Variants in TRPC6 observed in about 807,000 individuals in gnomAD.
The protein encoded by TRPC6 is short transient receptor potential channel 6.
In TRPC6, 55 loss-of-function variants were observed where a neutral mutation model predicts 90.7. The ratio of observed to expected loss-of-function variants is 0.61; its 90% CI spans 0.49 to 0.76. The LOEUF (loss-of-function observed/expected upper bound fraction) is 0.76. Ranked by LOEUF, TRPC6 falls within the 30% of genes least tolerant of loss-of-function variation. TRPC6 has a pLI of 0.00. For missense variants in TRPC6, 989 were observed against 1,122.7 expected (o/e 0.88, Z 1.70); for synonymous variants, 393 against 393.0 (o/e 1.00, Z 0.00).
intron 5 of TRPC6, 88 bp from the exon 6 acceptor site, chr11:101,476,622 C>T (rs1488553069): frequency 2.0e-5 from 25 of 1,235,276 alleles, no homozygotes; most frequent in Non-Finnish European, 2.1e-5. Flanking sequence ...AGGTCTCAGC[C>T]TGACATTACA....
chr11:101,490,612 T>A lies in TRPC6; in HGVS notation c.1128+944A>T, dbSNP rs117857575. Among the ~76,000 whole-genome samples, 157 of 152,260 alleles carry A rather than the reference T, an allele frequency of 1.0e-3. 1 individual carries two copies. In the East Asian group the frequency reaches 0.029, roughly 28 times the overall value. On this transcript the variant is annotated intron_variant, in intron 3 of 12. Coordinates refer to ENST00000344327, the MANE Select transcript of TRPC6 (RefSeq NM_004621.6). Reference sequence around the variant, plus strand: ...CTGAGACTACAGGTGCACGCCACCATACCCAGCTAATTTTTGTAGTTTTAG... The same window carrying A: ...CTGAGACTACAGGTGCACGCCACCAAACCCAGCTAATTTTTGTAGTTTTAG...
chr11:101,535,235 A>AAGGAAGGAAGGAAGG (rs1565233289), intron 1 of TRPC6, among the ~76,000 whole-genome samples: 2 of 86,154 alleles, frequency 2.3e-5, no homozygotes, highest in African/African-American at 6.6e-5. Flanking sequence ...AGGAAGGAAG[A>AAGGAAGGAAGGAAGG]AAACACAAAG....
intron 1 of TRPC6, among the ~76,000 whole-genome samples, chr11:101,540,956 T>C (rs921847010): frequency 1.3e-5 from 2 of 152,190 alleles, no homozygotes; most frequent in African/African-American, 2.4e-5. Flanking sequence ...CTTTTTAACT[T>C]AAAAGAGTAT....
intron 8 of TRPC6, 68 bp downstream of exon 8, chr11:101,472,069 T>A: frequency 6.8e-7 from 1 of 1,466,764 alleles, no homozygotes; most frequent in Non-Finnish European, 9.5e-7. Context: ...TCATCCCCAT[T>A]GCTGAGTTAG....
chr11:101,544,698 G>A (rs1591125020), intron 1 of TRPC6, among the ~76,000 whole-genome samples: 2 of 152,148 alleles, frequency 1.3e-5, no homozygotes, highest in African/African-American at 2.4e-5. Flanking sequence ...CATGGACACA[G>A]GGAGGGGAAC....
rs1861629613 is a variant in TRPC6 at position 101,558,392 on chromosome 11, T to TACATATACACACAC, written c.170+24928_170+24941dup. The stretch of plus-strand genomic sequence containing the variant: ...ATACATGTATATATGTATACATGTA[T>TACATATACACACAC]ACATATACACACACACATATACACA... On this transcript the variant is annotated intron_variant, in intron 1 of 12. Coordinates refer to ENST00000344327, the MANE Select transcript of TRPC6 (RefSeq NM_004621.6). Among the ~76,000 whole-genome samples the TACATATACACACAC allele has an allele frequency of 2.5e-5, 2 of 79,120 alleles. 1 individual carries two copies. The highest frequency in any genetic ancestry group is 6.7e-4 in the South Asian group (2 of 2,966). The allele number at this position is 79,120 out of a possible 152,430, so 51.9% of individuals were successfully genotyped here.
intron 1 of TRPC6, among the ~76,000 whole-genome samples, chr11:101,580,402 G>C (rs141719333): frequency 1.3e-5 from 2 of 152,218 alleles, no homozygotes; most frequent in East Asian, 3.9e-4. Context: ...GCTATTGAAA[G>C]TTGAATAAAG....
chr11:101,567,692 C>A (rs1861867783), intron 1 of TRPC6, among the ~76,000 whole-genome samples: 1 of 152,200 alleles, frequency 6.6e-6, no homozygotes, highest in African/African-American at 2.4e-5. Context: ...CTGGGCTATT[C>A]TGCAGCCTCC....
At chr11:101,485,075 G>A (rs1042959688) in intron 4 of TRPC6, among the ~76,000 whole-genome samples, 3 of 151,024 alleles carry the variant, frequency 2.0e-5, no homozygotes, top group Middle Eastern at 3.2e-3. Flanking sequence ...TTCAATCTGC[G>A]GTTTGTTAAA....
intron 10 of TRPC6, among the ~76,000 whole-genome samples, chr11:101,467,255 C>T (rs1236887903): frequency 1.3e-5 from 2 of 152,036 alleles, no homozygotes; most frequent in Non-Finnish European, 2.9e-5. Flanking sequence ...TAACTGGACC[C>T]CTTCTTTATT....
chr11:101,532,732 C>T (rs1184972307), intron 1 of TRPC6, among the ~76,000 whole-genome samples: 2 of 151,528 alleles, frequency 1.3e-5, no homozygotes, highest in African/African-American at 4.8e-5. Context: ...AAAGAATTAG[C>T]CAAGAGCACC....
intron 1 of TRPC6, among the ~76,000 whole-genome samples, chr11:101,547,884 C>A (rs4754770): frequency 0.35 from 52,451 of 151,840 alleles, 9,303 homozygotes; most frequent in East Asian, 0.44. Context: ...ATCATATAGC[C>A]AACTAAGGAA....
At position 101,513,637 on chromosome 11, in the gene TRPC6, C is replaced by T. The variant is rs140719275; in HGVS notation, c.171-8839G>A. On this transcript the variant is annotated intron_variant, in intron 1 of 12. Transcript: ENST00000344327. ...GGGTAACCACGGCATCATCAGTTCACGCCTTTCTGAGCTTATTTTTCCCTT... is the reference window on the plus strand; with the variant it reads ...GGGTAACCACGGCATCATCAGTTCATGCCTTTCTGAGCTTATTTTTCCCTT... Among the ~76,000 whole-genome samples, 74 of 152,234 alleles carry T rather than the reference C, an allele frequency of 4.9e-4. 1 individual carries two copies. The East Asian group carries it at 7.4e-3, about 15-fold the overall frequency.
chr11:101,475,636 C>CT (rs1418144269), intron 6 of TRPC6, among the ~76,000 whole-genome samples: 1 of 151,640 alleles, frequency 6.6e-6, no homozygotes, highest in Admixed American at 6.6e-5. Flanking sequence ...CATTTTGTGC[C>CT]TTTTACCCCA....
chr11:101,492,506 G>A (rs1041398281), intron 2 of TRPC6, among the ~76,000 whole-genome samples: 13 of 152,128 alleles, frequency 8.5e-5, no homozygotes, highest in Admixed American at 2.6e-4. Context: ...AGGATCACCC[G>A]GGCAGGTTGA....
intron 1 of TRPC6, among the ~76,000 whole-genome samples, chr11:101,551,472 C>G (rs543916659): frequency 1.8e-4 from 28 of 151,872 alleles, no homozygotes; most frequent in Admixed American, 1.6e-3. Context: ...TAAAAAATAA[C>G]TTAATACAAA....
intron 5 of TRPC6, 52 bp from the exon 6 acceptor site, chr11:101,476,586 G>T: frequency 6.6e-7 from 1 of 1,514,510 alleles, no homozygotes; most frequent in Non-Finnish European, 9.2e-7. Flanking sequence ...AGCCTTAGCT[G>T]TTCTATAAAA....
At chr11:101,489,182 C>T in intron 3 of TRPC6, 81 bp from the exon 4 acceptor site, 3 of 1,253,476 alleles carry the variant, frequency 2.4e-6, no homozygotes. Context: ...CTAATAGTTC[C>T]ATGCTTTCCA....
chr11:101,498,718 C>A (rs1860014525), intron 2 of TRPC6, among the ~76,000 whole-genome samples: 1 of 152,056 alleles, frequency 6.6e-6, no homozygotes, highest in Admixed American at 6.5e-5. Context: ...AACAGAGGTA[C>A]ATTAATACTT....
Sources: gnomAD v4.1 joint callset for allele counts (sites outside exome capture counted in the v4.1 genomes callset) on GRCh38, gnomAD v4.1.1 for gene constraint, MANE v1.5 for transcripts, NCBI Gene and HGNC (gene_info 2026-07-23, HGNC 2026-07-21) for gene names.